Variants in HADHB observed in about 807,000 individuals in gnomAD.
The protein encoded by HADHB is trifunctional enzyme subunit beta, mitochondrial.
In HADHB, 50 loss-of-function variants were observed where a neutral mutation model predicts 61.9. That is an observed-to-expected ratio of 0.81 (90% CI 0.64 to 1.02). The LOEUF is 1.02. Ranked by LOEUF, HADHB falls within the 50% of genes least tolerant of loss-of-function variation. The pLI is 0.00. For synonymous variants in HADHB, 191 were observed against 201.6 expected (o/e 0.95, Z 0.45); for missense variants, 504 against 586.5 (o/e 0.86, Z 1.45).
intron 15 of HADHB, among the ~76,000 whole-genome samples, chr2:26,287,231 C>A (rs142007918): frequency 7.3e-4 from 111 of 152,248 alleles, no homozygotes; most frequent in Middle Eastern, 3.4e-3. Context: ...ATAAATCTTA[C>A]GTTTAAAAGC....
In HADHB at chr2:26,284,463, CT is replaced by C. The variant is rs370346760; in HGVS notation, c.1149+275del. On this transcript the variant is annotated intron_variant, in intron 13 of 15. Transcript: ENST00000317799. ...TGATACAAAGATTTGTTCAACTTTA[CT>C]TTTTTTTTTTTTTTTGGAGACAGAG... Among the ~76,000 whole-genome samples, 419 of 136,840 alleles carry C rather than the reference CT, an allele frequency of 3.1e-3. No homozygotes were observed. The highest frequency in any genetic ancestry group is 3.7e-3 in the Non-Finnish European group (232 of 62,378). The allele number at this position is 136,840 out of a possible 152,430, so 89.8% of individuals were successfully genotyped here.
At chr2:26,268,715 C>G (rs1672203942) in intron 4 of HADHB, among the ~76,000 whole-genome samples, 1 of 152,148 alleles carries the variant, frequency 6.6e-6, no homozygotes, top group South Asian at 2.1e-4. Context: ...TGGATTGAAT[C>G]TTGGAACAGA....
intron 1 of HADHB, 92 bp from the exon 2 acceptor site, chr2:26,254,155 C>T (rs567198685): frequency 1.5e-5 from 11 of 744,708 alleles, no homozygotes; most frequent in African/African-American, 1.4e-4. Context: ...TTTCTAGTAG[C>T]CATGGATGAG....
chr2:26,277,931 C>G (rs1027284003), intron 7 of HADHB, among the ~76,000 whole-genome samples: 1 of 152,236 alleles, frequency 6.6e-6, no homozygotes, highest in African/African-American at 2.4e-5. Flanking sequence ...TCCTTACATC[C>G]TTGTCATTTT....
intron 8 of HADHB, 152 bp from the exon 9 acceptor site, chr2:26,278,983 A>T: frequency 1.1e-6 from 1 of 884,356 alleles, no homozygotes; most frequent in South Asian, 1.4e-5. Flanking sequence ...CTCTTTAGAG[A>T]TCCTCTTTAG....
At chr2:26,281,455 G>GC (rs1173075344) in intron 10 of HADHB, among the ~76,000 whole-genome samples, 2 of 152,190 alleles carry the variant, frequency 1.3e-5, no homozygotes, top group African/African-American at 4.8e-5. Context: ...ACCCTGTTAA[G>GC]CCCAGGTGGT....
At chr2:26,248,877 T>C (rs527585508) in intron 1 of HADHB, among the ~76,000 whole-genome samples, 1 of 152,032 alleles carries the variant, frequency 6.6e-6, no homozygotes, top group African/African-American at 2.4e-5. Flanking sequence ...GCCAACATGG[T>C]GAAACCCCAT....
intron 12 of HADHB, 133 bp downstream of exon 12, chr2:26,283,184 A>G: frequency 1.4e-6 from 1 of 736,398 alleles, no homozygotes; most frequent in Non-Finnish European, 2.4e-6. Context: ...GAGTATATTA[A>G]GCCCTGAGTT....
chr2:26,245,157 C>T, intron 1 of HADHB, 167 bp downstream of exon 1: 1 of 204,210 alleles, frequency 4.9e-6, no homozygotes, highest in South Asian at 7.7e-5. Flanking sequence ...GTGCTAGCTG[C>T]AGTTAGGACA....
intron 4 of HADHB, among the ~76,000 whole-genome samples, chr2:26,265,614 A>ACAACAACAT (rs1672043950): frequency 6.6e-6 from 1 of 152,168 alleles, no homozygotes; most frequent in Non-Finnish European, 1.5e-5. Flanking sequence ...AACAACAACA[A>ACAACAACAT]CAACAACAAA....
At chr2:26,266,183 T>C (rs1484356139) in intron 4 of HADHB, among the ~76,000 whole-genome samples, 1 of 151,888 alleles carries the variant, frequency 6.6e-6, no homozygotes, top group Non-Finnish European at 1.5e-5. Flanking sequence ...GGAGGATTGC[T>C]TAAGCCTAGG....
intron 14 of HADHB, 138 bp from the exon 15 acceptor site, chr2:26,285,269 T>A (rs376350126): frequency 1.4e-6 from 1 of 732,684 alleles, no homozygotes. Flanking sequence ...ACTTACTTTC[T>A]TTTGCAGTAA....
chr2:26,282,113 G>A (rs1027800907), intron 10 of HADHB, among the ~76,000 whole-genome samples: 74 of 151,910 alleles, frequency 4.9e-4, no homozygotes, highest in African/African-American at 1.6e-3. Flanking sequence ...TGTAAGCCAC[G>A]GGCAGAAAGC....
Position 26,278,794 on chromosome 2 carries a change from C to T in HADHB, c.623C>T (p.Ala208Val), listed in dbSNP as rs754819096. 6.2e-7 allele frequency: 1 copy of T among 1,613,716 alleles called. No homozygotes were observed. Residue 208 changes from alanine (A) to valine (V), a missense_variant, in exon 8 of 16, where the codon GCA becomes GTA. Ala to Val is a moderately conservative substitution (Grantham distance 64). Transcript: ENST00000317799. The stretch of plus-strand genomic sequence containing the variant: ...TCTAAATTCCGATTTAATTTCCTAG[C>T]ACCTGAGGTAAGGCTTGTGTTTGCA... ...LISKFRFNFL[A>V]PELPAVSEFS...
At chr2:26,280,195 T>C in intron 10 of HADHB, 80 bp downstream of exon 10, 1 of 1,142,318 alleles carries the variant, frequency 8.8e-7, no homozygotes, top group South Asian at 1.2e-5. Context: ...TATAACTTTT[T>C]GTGTGTGTTA....
chr2:26,283,784 C>T (rs1672901225), intron 12 of HADHB, among the ~76,000 whole-genome samples: 1 of 152,202 alleles, frequency 6.6e-6, no homozygotes, highest in Admixed American at 6.5e-5. Flanking sequence ...AGGCTGTAGC[C>T]TCTAGCCTCC....
rs762728196 is a variant in HADHB at position 26,279,175 on chromosome 2, G to A, written c.671G>A (p.Gly224Asp). ...GAGTTCTCCACCAGTGAGACCATGG[G>A]CCACTCTGCAGACCGACTGGCCGCT... ...VSEFSTSETM[G>D]HSADRLAAAF... The change falls in exon 9 of 16, where the codon GGC (glycine) becomes GAC (aspartate). Residue 224 changes from glycine to aspartate, a missense_variant. Coordinates refer to ENST00000317799, the MANE Select transcript of HADHB (RefSeq NM_000183.3). The A allele has an allele frequency of 6.2e-7, 1 of 1,614,008 alleles. No individual in the cohort carries two copies. Among genetic ancestry groups the A allele is most frequent in the Non-Finnish European group, 8.5e-7 (1 of 1,179,916 alleles).
At chr2:26,276,387 T>G (rs1049406879) in intron 6 of HADHB, among the ~76,000 whole-genome samples, 8 of 152,234 alleles carry the variant, frequency 5.3e-5, no homozygotes, top group African/African-American at 1.9e-4. Context: ...CTCAGGCAAT[T>G]CTCCAGTTTC....
intron 13 of HADHB, among the ~76,000 whole-genome samples, chr2:26,284,541 C>G (rs1672941059): frequency 6.6e-6 from 1 of 151,476 alleles, no homozygotes; most frequent in African/African-American, 2.4e-5. Context: ...CGGCTCACTG[C>G]AACCTCCGCC....
Sources: gnomAD v4.1 joint callset for allele counts (sites outside exome capture counted in the v4.1 genomes callset) on GRCh38, gnomAD v4.1.1 for gene constraint, MANE v1.5 for transcripts, NCBI Gene and HGNC (gene_info 2026-07-23, HGNC 2026-07-21) for gene names.